RIMS2: variants seen among roughly 807,000 people sequenced by gnomAD.
RIMS2 encodes the protein regulating synaptic membrane exocytosis protein 2.
In RIMS2, 59 loss-of-function variants were observed where a neutral mutation model predicts 174.4. The ratio of observed to expected loss-of-function variants is 0.34; its 90% CI spans 0.27 to 0.42. The LOEUF (loss-of-function observed/expected upper bound fraction) is 0.42. Ranked by LOEUF, RIMS2 falls within the 10% of genes least tolerant of loss-of-function variation. The pLI, the probability that RIMS2 is intolerant of heterozygous loss-of-function variation, is 1.00. For missense variants in RIMS2, 1,620 were observed against 1,666.3 expected, an observed-to-expected ratio of 0.97 and a Z score of 0.48; for synonymous variants, 606 against 572.5, an observed-to-expected ratio of 1.06 and a Z score of -0.84.
intron 3 of RIMS2, among the ~76,000 whole-genome samples, chr8:103,820,940 A>C (rs532894691): frequency 3.3e-5 from 5 of 151,546 alleles, no homozygotes; most frequent in African/African-American, 1.2e-4. Flanking sequence ...TTAAAAAGCA[A>C]GTATTGCTTT....
At chr8:104,225,790 A>G (rs2138860331) in intron 19 of RIMS2, among the ~76,000 whole-genome samples, 1 of 152,302 alleles carries the variant, frequency 6.6e-6, no homozygotes, top group East Asian at 1.9e-4. Context: ...CGGCGTTTTT[A>G]AAGTTAACCA....
chr8:103,866,906 G>A (rs1451484794), intron 3 of RIMS2, among the ~76,000 whole-genome samples: 3 of 151,488 alleles, frequency 2.0e-5, no homozygotes, highest in Non-Finnish European at 4.4e-5. Flanking sequence ...AAAATATTTA[G>A]AATGGCAGAG....
chr8:103,501,772 A>G (rs1051583354), intron 1 of RIMS2: 2 of 152,166 alleles, frequency 1.3e-5, no homozygotes, highest in African/African-American at 4.8e-5. Context: ...TCCTACCATC[A>G]CTGCAGTTTG....
chr8:103,858,735 A>G (rs2099042147), intron 3 of RIMS2, among the ~76,000 whole-genome samples: 1 of 40,664 alleles, frequency 2.5e-5, no homozygotes, highest in Non-Finnish European at 7.1e-5. Flanking sequence ...ATACCTATAC[A>G]CACACACACA....
At chr8:103,942,321 G>T (rs2082721012) in intron 13 of RIMS2, among the ~76,000 whole-genome samples, 1 of 152,018 alleles carries the variant, frequency 6.6e-6, no homozygotes, top group Admixed American at 6.6e-5. Context: ...CAAAGAACAT[G>T]ATCTTGTTCT....
intron 3 of RIMS2, among the ~76,000 whole-genome samples, chr8:103,835,244 G>A (rs907170286): frequency 9.2e-5 from 14 of 151,746 alleles, no homozygotes; most frequent in Admixed American, 7.9e-4. Flanking sequence ...TGGGACTACA[G>A]GCACGTGCCA....
intron 1 of RIMS2, among the ~76,000 whole-genome samples, chr8:103,570,947 A>G (rs1045169530): frequency 6.6e-6 from 1 of 152,160 alleles, no homozygotes; most frequent in Admixed American, 6.5e-5. Flanking sequence ...TGTTTTTCCT[A>G]TACCAATGAC....
chr8:104,068,508 A>T lies in RIMS2; in HGVS notation c.3334+53893A>T, dbSNP rs778105581. The T allele has an allele frequency of 7.4e-7, 1 of 1,351,000 alleles. No individual in the cohort carries two copies. Among genetic ancestry groups the T allele is most frequent in the Admixed American group, 1.9e-5 (1 of 53,938 alleles). 83.7% of individuals were successfully genotyped at this position (1,351,000 alleles called of 1,614,324 possible). Reference sequence around the variant, plus strand: ...AATTTTATGGGTTTTTTTCTACTCGATAGGTACTATGGATATAGAGGAGAG... The same window carrying T: ...AATTTTATGGGTTTTTTTCTACTCGTTAGGTACTATGGATATAGAGGAGAG... On this transcript the variant is annotated intron_variant, in intron 19 of 23. Transcript: ENST00000504942.
intron 19 of RIMS2, among the ~76,000 whole-genome samples, chr8:104,079,124 A>G (rs1024161465): frequency 2.4e-4 from 36 of 152,176 alleles, no homozygotes; most frequent in Admixed American, 1.8e-3. Context: ...TGACAAAAAC[A>G]GCAACTTGTA....
rs1369908444 is a variant in RIMS2 at position 103,617,200 on chromosome 8, T to C, written c.177-79886T>C. Among the ~76,000 whole-genome samples the C allele has an allele frequency of 2.0e-5, 3 of 152,042 alleles. 1 individual carries two copies. Among genetic ancestry groups the C allele is most frequent in the Admixed American group, 2.0e-4 (3 of 15,256 alleles). On this transcript the variant is annotated intron_variant, in intron 1 of 23. Transcript: ENST00000504942. ...GACCAATGAAACAGAATAGAGAGCC[T>C]AGAAATAGGGCCCCACATTTATAAC...
chr8:104,052,139 A>G (rs1474419125), intron 19 of RIMS2, among the ~76,000 whole-genome samples: 2 of 152,192 alleles, frequency 1.3e-5, no homozygotes, highest in African/African-American at 4.8e-5. Flanking sequence ...TTTTAGGGTG[A>G]TAGAAATACT....
At chr8:104,073,122 T>A (rs1598263543) in intron 19 of RIMS2, among the ~76,000 whole-genome samples, 1 of 152,164 alleles carries the variant, frequency 6.6e-6, no homozygotes, top group Non-Finnish European at 1.5e-5. Context: ...TTTATTAAGT[T>A]TAACAGTGTA....
chr8:104,018,995 A>G (rs1025592259), intron 19 of RIMS2, among the ~76,000 whole-genome samples: 1 of 152,110 alleles, frequency 6.6e-6, no homozygotes, highest in Non-Finnish European at 1.5e-5. Context: ...AAAACTTAAA[A>G]GATCCCAGCC....
chr8:103,606,673 A>T (rs969972857), intron 1 of RIMS2, among the ~76,000 whole-genome samples: 2 of 152,130 alleles, frequency 1.3e-5, no homozygotes, highest in Non-Finnish European at 2.9e-5. Context: ...TGCTCTATGA[A>T]TCTGGGTGCT....
chr8:103,659,886 G>A (rs1564187880), intron 1 of RIMS2, among the ~76,000 whole-genome samples: 1 of 152,236 alleles, frequency 6.6e-6, no homozygotes, highest in Non-Finnish European at 1.5e-5. Context: ...TGCTTCGAGT[G>A]CACACGGTGT....
intron 19 of RIMS2, among the ~76,000 whole-genome samples, chr8:104,025,708 T>TACACACACACACACACACACAC (rs34638633): frequency 6.7e-6 from 1 of 149,266 alleles, no homozygotes; most frequent in Non-Finnish European, 1.5e-5. Context: ...GTTAAACGTA[T>TACACACACACACACACACACAC]ACACACACAC....
At chr8:104,142,339 G>A (rs2098590748) in intron 19 of RIMS2, among the ~76,000 whole-genome samples, 1 of 151,922 alleles carries the variant, frequency 6.6e-6, no homozygotes, top group African/African-American at 2.4e-5. Flanking sequence ...ATGTTGGCCA[G>A]GCTGGTTTCA....
chr8:103,667,884 T>A (rs954834749), intron 1 of RIMS2, among the ~76,000 whole-genome samples: 2 of 152,160 alleles, frequency 1.3e-5, no homozygotes, highest in Non-Finnish European at 2.9e-5. Flanking sequence ...ATTACAAGCT[T>A]AAGGTTCACA....
At chr8:103,612,792 G>A (rs557479544) in intron 1 of RIMS2, among the ~76,000 whole-genome samples, 21 of 152,204 alleles carry the variant, frequency 1.4e-4, no homozygotes, top group East Asian at 3.9e-4. Flanking sequence ...GGCTGGTCTC[G>A]AACTCCTGAC....
Sources: gnomAD v4.1 joint callset for allele counts (sites outside exome capture counted in the v4.1 genomes callset) on GRCh38, gnomAD v4.1.1 for gene constraint, MANE v1.5 for transcripts, NCBI Gene and HGNC (gene_info 2026-07-23, HGNC 2026-07-21) for gene names.